GLYR1: variants seen among roughly 807,000 people sequenced by gnomAD.
GLYR1 encodes glyoxylate reductase 1 homolog, also known as cytokine-like nuclear factor N-PAC.
In GLYR1, 21 loss-of-function variants were observed where a neutral mutation model predicts 72.7. That is an observed-to-expected ratio of 0.29 (90% CI 0.20 to 0.42). The LOEUF (loss-of-function observed/expected upper bound fraction) is 0.42, where lower values mean the gene tolerates loss of function less well. Ranked by LOEUF, GLYR1 falls within the 10% of genes least tolerant of loss-of-function variation. GLYR1 has a pLI of 1.00. For missense variants in GLYR1, 594 were observed against 712.1 expected, an observed-to-expected ratio of 0.83 and a Z score of 1.89; for synonymous variants, 392 against 270.2, an observed-to-expected ratio of 1.45 and a Z score of -4.42.
intron 3 of GLYR1, 64 bp from the exon 4 acceptor site, chr16:4,832,976 C>T (rs910745956): frequency 7.5e-6 from 11 of 1,457,546 alleles, no homozygotes; most frequent in East Asian, 2.4e-5. Flanking sequence ...GTATCAACAA[C>T]CTCACTATGG....
intron 3 of GLYR1, among the ~76,000 whole-genome samples, chr16:4,837,026 T>C (rs2085180851): frequency 6.6e-6 from 1 of 152,170 alleles, no homozygotes; most frequent in South Asian, 2.1e-4. Context: ...AGTCTCTTCA[T>C]CTATGAATAC....
intron 15 of GLYR1, 105 bp downstream of exon 15, chr16:4,811,065 A>G: frequency 2.2e-6 from 3 of 1,386,898 alleles, no homozygotes; most frequent in Non-Finnish European, 2.9e-6. Flanking sequence ...AGATCGCACC[A>G]GTGCACTCTA....
chr16:4,811,851 G>A, intron 13 of GLYR1, 49 bp from the exon 14 acceptor site: 2 of 1,571,884 alleles, frequency 1.3e-6, no homozygotes, highest in Non-Finnish European at 8.7e-7. Context: ...GCCACAGACA[G>A]GGCTTCTCTG....
intron 2 of GLYR1, 71 bp from the exon 3 acceptor site, chr16:4,845,224 C>T: frequency 1.0e-6 from 1 of 967,690 alleles, no homozygotes; most frequent in Non-Finnish European, 1.7e-6. Context: ...CTCCACATTG[C>T]TCTACAGTTC....
intron 9 of GLYR1, 188 bp from the exon 10 acceptor site, chr16:4,817,885 T>A: frequency 1.7e-6 from 1 of 584,276 alleles, no homozygotes; most frequent in Non-Finnish European, 3.1e-6. Context: ...TCTTATGCCA[T>A]GGTCTAAAGC....
chr16:4,830,413 C>T (rs943668099), intron 5 of GLYR1, among the ~76,000 whole-genome samples: 2 of 152,062 alleles, frequency 1.3e-5, no homozygotes, highest in Admixed American at 6.6e-5. Flanking sequence ...TGGCTAGAAC[C>T]CTGTGGACAG....
At chr16:4,825,465 C>T (rs183804033) in intron 5 of GLYR1, among the ~76,000 whole-genome samples, 2 of 152,312 alleles carry the variant, frequency 1.3e-5, no homozygotes, top group East Asian at 3.9e-4. Context: ...GCTGAAATGT[C>T]ACCTTATCAG....
chr16:4,837,614 A>G (rs2085229040), intron 3 of GLYR1, among the ~76,000 whole-genome samples: 1 of 151,940 alleles, frequency 6.6e-6, no homozygotes, highest in African/African-American at 2.4e-5. Context: ...AGGGGGAGGG[A>G]GACAGACAGA....
chr16:4,824,717 C>T (rs369173654), intron 5 of GLYR1, among the ~76,000 whole-genome samples: 13 of 152,210 alleles, frequency 8.5e-5, no homozygotes, highest in African/African-American at 3.1e-4. Context: ...TGAGAAGCTC[C>T]TCTTCATCGA....
chr16:4,833,493 T>G (rs1413675308), intron 3 of GLYR1, among the ~76,000 whole-genome samples: 1 of 152,158 alleles, frequency 6.6e-6, no homozygotes, highest in Non-Finnish European at 1.5e-5. Context: ...CCTATGGATA[T>G]TCACAGCCAC....
chr16:4,812,330 G>T, intron 12 of GLYR1, 82 bp from the exon 13 acceptor site: 1 of 1,443,024 alleles, frequency 6.9e-7, no homozygotes, highest in Non-Finnish European at 9.3e-7. Context: ...TTGCTGAGTG[G>T]CCACGGCTGC....
chr16:4,820,298 G>A (rs528785721), intron 9 of GLYR1, among the ~76,000 whole-genome samples: 1 of 152,232 alleles, frequency 6.6e-6, no homozygotes, highest in East Asian at 1.9e-4. Context: ...TCAAGGTTCT[G>A]GATTTTTAAT....
chr16:4,820,297 T>G (rs1482399008), intron 9 of GLYR1, among the ~76,000 whole-genome samples: 1 of 152,162 alleles, frequency 6.6e-6, no homozygotes, highest in Non-Finnish European at 1.5e-5. Context: ...GTCAAGGTTC[T>G]GGATTTTTAA....
rs114655020 is a variant in GLYR1, at chr16:4,828,710, C to T, written c.537+3269G>A. Among the ~76,000 whole-genome samples the T allele has an allele frequency of 1.3e-3, 191 of 152,140 alleles. 1 individual carries two copies. Among genetic ancestry groups the T allele is most frequent in the African/African-American group, 4.5e-3 (186 of 41,538 alleles). On this transcript the variant is annotated intron_variant, in intron 5 of 15. Transcript: ENST00000321919. Reference sequence around the variant, plus strand: ...ACAGGCACTGTTCTAAGTGCTGTGTCCATGTCACTCATTTAACTAACACAG... The same window carrying T: ...ACAGGCACTGTTCTAAGTGCTGTGTTCATGTCACTCATTTAACTAACACAG...
chr16:4,808,223 G>A (rs201133534), intron 15 of GLYR1, among the ~76,000 whole-genome samples: 2 of 129,176 alleles, frequency 1.5e-5, no homozygotes, highest in East Asian at 2.3e-4. Flanking sequence ...GCAACAGAGT[G>A]AGACTCTGTC....
chr16:4,832,200 C>T lies in GLYR1; in HGVS notation c.316G>A (p.Asp106Asn). The T allele has an allele frequency of 6.2e-7, 1 of 1,614,070 alleles. No homozygotes were observed. Among genetic ancestry groups the T allele is most frequent in the Non-Finnish European group, 8.5e-7 (1 of 1,179,990 alleles). Residue 106 changes from aspartate to asparagine, a missense_variant, in exon 5 of 16, where the codon GAT becomes AAT. Coordinates refer to ENST00000321919, the MANE Select transcript of GLYR1 (RefSeq NM_032569.4). ...KDQTSSHNSS[D>N]DKNRRNSSEE... ...CTGGAATTACGTCGATTCTTGTCAT[C>T]AGAAGAATTGTGGGATGACGTCTGA...
chr16:4,846,089 C>T lies in GLYR1; in HGVS notation c.75+85G>A, dbSNP rs905603398. 2.8e-6 allele frequency: 4 copies of T among 1,448,244 alleles called. No individual in the cohort carries two copies. The African/African-American group carries it at 5.6e-5, about 20-fold the overall frequency. 89.7% of individuals were successfully genotyped at this position (1,448,244 alleles called of 1,614,324 possible). A position where few individuals can be genotyped will look rare whatever the true frequency, so the allele number is the denominator to read the frequency against. ...TGAATGAGCCCAATTTAACTCAATA[C>T]TAGAAACTGAGAGGAATGCATCTTA... On this transcript the variant is annotated intron_variant, in intron 2 of 15. Transcript: ENST00000321919.
At chr16:4,807,007 CCT>C (rs2083024208) in intron 15 of GLYR1, among the ~76,000 whole-genome samples, 1 of 151,596 alleles carries the variant, frequency 6.6e-6, no homozygotes, top group Non-Finnish European at 1.5e-5. Flanking sequence ...AGGGTTTCAC[CCT>C]GTTAGCCAGG....
intron 9 of GLYR1, 74 bp downstream of exon 9, chr16:4,821,306 C>G (rs2084008311): frequency 4.7e-6 from 7 of 1,484,338 alleles, no homozygotes; most frequent in Non-Finnish European, 5.6e-6. Flanking sequence ...CCTTAAAGAA[C>G]CCCCCTGGGG....
Sources: gnomAD v4.1 joint callset for allele counts (sites outside exome capture counted in the v4.1 genomes callset) on GRCh38, gnomAD v4.1.1 for gene constraint, MANE v1.5 for transcripts, NCBI Gene and HGNC (gene_info 2026-07-23, HGNC 2026-07-21) for gene names.